LMOD3: variants seen among roughly 807,000 people sequenced by gnomAD.
LMOD3 encodes leiomodin 3.
A neutral mutation model predicts 41.8 loss-of-function variants in LMOD3; 31 were observed. The ratio of observed to expected loss-of-function variants is 0.74; its 90% confidence interval spans 0.56 to 1.00. The LOEUF (loss-of-function observed/expected upper bound fraction) is 1.00. Among genes scored for constraint, LMOD3 ranks in the 50% least tolerant of loss-of-function variants. LMOD3 has a pLI of 0.00. For missense variants in LMOD3, 755 were observed against 679.5 expected, an observed-to-expected ratio of 1.11 and a Z score of -1.23; for synonymous variants, 292 against 241.9, an observed-to-expected ratio of 1.21 and a Z score of -1.92.
intron 1 of LMOD3, among the ~76,000 whole-genome samples, chr3:69,120,710 T>C (rs972714626): frequency 1.3e-5 from 2 of 152,018 alleles, no homozygotes; most frequent in Admixed American, 6.6e-5. Flanking sequence ...ACAACTGCCA[T>C]GATACTCTGT....
Position 69,106,860 on chromosome 3 carries a change from ATTTTTTTTTTTT to A in LMOD3, c.*2223_*2234del, listed in dbSNP as rs1190777851. The A allele has an allele frequency of 3.9e-5, 2 of 50,724 alleles. No individual in the cohort carries two copies. The highest frequency in any genetic ancestry group is 1.5e-4 in the African/African-American group (2 of 13,644). 3.1% of individuals were successfully genotyped at this position (50,724 alleles called of 1,614,324 possible). Reference sequence around the variant, plus strand: ...AGCTACCATGCCTGGCTAATTTTGTATTTTTTTTTTTTTTTTTTTTTTTTTTTAGTAGAAATG... The same window carrying A: ...AGCTACCATGCCTGGCTAATTTTGTATTTTTTTTTTTTTTTAGTAGAAATG... On this transcript the variant is annotated 3_prime_UTR_variant, in exon 3 of 3. Transcript: ENST00000420581.
rs753319232 is a variant in LMOD3 at position 69,119,081 on chromosome 3, C to T, written c.1274G>A (p.Gly425Glu). 6.2e-7 allele frequency: 1 copy of T among 1,613,704 alleles called. No homozygotes were observed. Among genetic ancestry groups the T allele is most frequent in the Admixed American group, 1.7e-5 (1 of 59,980 alleles). The change falls in exon 2 of 3, where the codon GGG becomes GAG. Residue 425 changes from glycine to glutamate, a missense_variant. Gly to Glu is a moderately conservative substitution (Grantham distance 98, BLOSUM62 -2). Transcript: ENST00000420581. ...CAGCTCCCACATCCCAGGGGGCAGC[C>T]CCAACCCATTCTCTAACATGGCTAT... is the stretch of plus-strand genomic sequence containing the variant. ...KLIAMLENGL[G>E]LPPGMWELLG...
intron 1 of LMOD3, among the ~76,000 whole-genome samples, chr3:69,120,578 T>A (rs1011520643): frequency 2.0e-5 from 3 of 151,622 alleles, no homozygotes; most frequent in Non-Finnish European, 2.9e-5. Flanking sequence ...TATGGGAAAT[T>A]AGATACGTTT....
chr3:69,122,464 A>G lies in LMOD3; in HGVS notation c.-78T>C. 8.8e-7 allele frequency: 1 copy of G among 1,133,968 alleles called. No individual in the cohort carries two copies. 70.2% of individuals were successfully genotyped at this position (1,133,968 alleles called of 1,614,324 possible). ...TTTAAAAAGAAGGAAAAAAGCCTCA[A>G]GAAGGTCCCCCAGTTAACGAGTGTC... On this transcript the variant is annotated 5_prime_UTR_variant, in exon 1 of 3. Transcript: ENST00000420581.
chr3:69,119,974 T>G lies in LMOD3; in HGVS notation c.381A>C (p.Ile127=). The G allele has an allele frequency of 6.3e-7, 1 of 1,595,960 alleles. No homozygotes were observed. The highest frequency in any genetic ancestry group is 1.1e-5 in the South Asian group (1 of 89,138). Residue 127 remains isoleucine (I), a synonymous_variant, in exon 2 of 3, where the codon ATA becomes ATC. Coordinates refer to ENST00000420581, the MANE Select transcript of LMOD3 (RefSeq NM_198271.5). ...CCTTTGATTCTCTTTTATTTGCAAC[T>G]ATTTCATTATTGAGCTTTTCTTTTA... ...QYLKEKLNNE[I]VANKRESKGS... is the part of the protein sequence containing the mutation.
At chr3:69,120,791 A>C (rs2107527388) in intron 1 of LMOD3, among the ~76,000 whole-genome samples, 1 of 152,282 alleles carries the variant, frequency 6.6e-6, no homozygotes, top group East Asian at 1.9e-4. Context: ...CTGTAAGATG[A>C]AACAGGATTA....
chr3:69,109,226 G>T (rs1452694677), intron 2 of LMOD3, 105 bp from the exon 3 acceptor site: 2 of 1,071,314 alleles, frequency 1.9e-6, no homozygotes, highest in Non-Finnish European at 1.4e-6. Context: ...TACAGAATAG[G>T]TTTGAAATTC....
chr3:69,118,232 G>T (rs1216294146), intron 2 of LMOD3, among the ~76,000 whole-genome samples: 11 of 152,140 alleles, frequency 7.2e-5, no homozygotes, highest in Admixed American at 6.5e-4. Context: ...CACTTGAAGA[G>T]GTCAGAAGAA....
intron 2 of LMOD3, among the ~76,000 whole-genome samples, chr3:69,116,930 T>C (rs1488968743): frequency 1.3e-5 from 2 of 152,220 alleles, no homozygotes; most frequent in Admixed American, 1.3e-4. Context: ...TGGCACAGAT[T>C]TTTTCAAAAG....
At position 69,122,447 on chromosome 3, in the gene LMOD3, G is replaced by T; in HGVS notation, c.-61C>A. ...AATAATCAAAGATGATTTTTAAAAAGAAGGAAAAAAGCCTCAAGAAGGTCC... is the reference window on the plus strand; with the variant it reads ...AATAATCAAAGATGATTTTTAAAAATAAGGAAAAAAGCCTCAAGAAGGTCC... On this transcript the variant is annotated 5_prime_UTR_variant, in exon 1 of 3. Transcript: ENST00000420581. 7.7e-7 allele frequency: 1 copy of T among 1,304,396 alleles called. No homozygotes were observed. The highest frequency in any genetic ancestry group is 1.0e-6 in the Non-Finnish European group (1 of 965,070). The allele number at this position is 1,304,396 out of a possible 1,614,324, so 80.8% of individuals were successfully genotyped here. A position where few individuals can be genotyped will look rare whatever the true frequency, so the allele number is the denominator to read the frequency against.
At position 69,106,249 on chromosome 3, in the gene LMOD3, C is replaced by A. The variant is rs2092322005; in HGVS notation, c.*2846G>T. Among the ~76,000 whole-genome samples, 1 of 152,040 alleles carries A rather than the reference C, an allele frequency of 6.6e-6. No individual in the cohort carries two copies. The highest frequency in any genetic ancestry group is 6.6e-5 in the Admixed American group (1 of 15,250). On this transcript the variant is annotated 3_prime_UTR_variant, in exon 3 of 3. Coordinates refer to ENST00000420581, the MANE Select transcript of LMOD3 (RefSeq NM_198271.5). ...AGTGGGATCCTATTTTTAAACCTGG[C>A]ACGAGTTTTATATACATGTTAGCCC...
At chr3:69,109,618 C>G (rs1250946631) in intron 2 of LMOD3, among the ~76,000 whole-genome samples, 1 of 148,948 alleles carries the variant, frequency 6.7e-6, no homozygotes, top group Non-Finnish European at 1.5e-5. Flanking sequence ...ACCTCCAACT[C>G]CCGGGTTCAA....
intron 2 of LMOD3, among the ~76,000 whole-genome samples, chr3:69,112,285 G>A (rs566247964): frequency 1.3e-5 from 2 of 152,356 alleles, no homozygotes; most frequent in South Asian, 4.1e-4. Context: ...GGGTGGGAAA[G>A]TTGGTTTCAG....
In LMOD3 at chr3:69,116,079, G is replaced by T. The variant is rs564293560; in HGVS notation, c.1656+2620C>A. ...TTTTGACCTTCTGTAAGTCTAAAAT[G>T]ACCTCAAAACAAAACAAAAAAATTA... On this transcript the variant is annotated intron_variant, in intron 2 of 2. Coordinates refer to ENST00000420581, the MANE Select transcript of LMOD3 (RefSeq NM_198271.5). Among the ~76,000 whole-genome samples, 4 of 152,242 alleles carry T rather than the reference G, an allele frequency of 2.6e-5. No individual in the cohort carries two copies. The South Asian group carries it at 8.3e-4, about 32-fold the overall frequency.
Position 69,122,395 on chromosome 3 carries a change from C to A in LMOD3, c.-9G>T. ...CTGCTGTGCTCTGACATTATTTTTT[C>A]TAAATATTATTTTACTAGAAAAGAA... On this transcript the variant is annotated 5_prime_UTR_variant, in exon 1 of 3. Transcript: ENST00000420581. The A allele has an allele frequency of 1.3e-6, 2 of 1,525,236 alleles. No homozygotes were observed. Among genetic ancestry groups the A allele is most frequent in the South Asian group, 1.2e-5 (1 of 80,920 alleles). 94.5% of individuals were successfully genotyped at this position (1,525,236 alleles called of 1,614,324 possible).
intron 2 of LMOD3, among the ~76,000 whole-genome samples, chr3:69,117,665 C>G (rs569908144): frequency 1.8e-4 from 27 of 152,256 alleles, no homozygotes; most frequent in African/African-American, 6.5e-4. Context: ...GATTTTAAAA[C>G]TCCGTGAATT....
chr3:69,110,853 A>AATATATATATATATATAT (rs1302203949), intron 2 of LMOD3, among the ~76,000 whole-genome samples: 2 of 104,112 alleles, frequency 1.9e-5, no homozygotes, highest in African/African-American at 9.6e-5. Flanking sequence ...AAAAAAAAAA[A>AATATATATATATATATAT]ATATATATAT....
intron 2 of LMOD3, among the ~76,000 whole-genome samples, chr3:69,111,815 A>G (rs2092351592): frequency 6.6e-6 from 1 of 152,240 alleles, no homozygotes; most frequent in African/African-American, 2.4e-5. Context: ...ACTTTAAAGT[A>G]TGACCAAGCT....
chr3:69,106,693 A>T lies in LMOD3; in HGVS notation c.*2402T>A, dbSNP rs1371837848. Among the ~76,000 whole-genome samples, 2 of 137,706 alleles carry T rather than the reference A, an allele frequency of 1.5e-5. No homozygotes were observed. Among genetic ancestry groups the T allele is most frequent in the African/African-American group, 5.4e-5 (2 of 36,970 alleles). 90.3% of individuals were successfully genotyped at this position (137,706 alleles called of 152,430 possible). ...AACAAATGCATAGGGGCTTTCTAGA[A>T]TTTTTTTTTTTTTTTTGAGATGAGG... On this transcript the variant is annotated 3_prime_UTR_variant, in exon 3 of 3. Coordinates refer to ENST00000420581, the MANE Select transcript of LMOD3 (RefSeq NM_198271.5).
Sources: gnomAD v4.1 joint callset for allele counts (sites outside exome capture counted in the v4.1 genomes callset) on GRCh38, gnomAD v4.1.1 for gene constraint, MANE v1.5 for transcripts, NCBI Gene and HGNC (gene_info 2026-07-23, HGNC 2026-07-21) for gene names.